B3GALNT2: variants seen among roughly 807,000 people sequenced by gnomAD.
B3GALNT2 encodes UDP-GalNAc:beta-1,3-N-acetylgalactosaminyltransferase 2.
B3GALNT2 carries 53 observed loss-of-function variants against 61.1 expected under a neutral mutation model. The ratio of observed to expected loss-of-function variants is 0.87; its 90% CI spans 0.70 to 1.09. The LOEUF (loss-of-function observed/expected upper bound fraction) is 1.09. B3GALNT2 is among the 50% of genes least tolerant of loss of function. B3GALNT2 has a pLI of 0.00. For synonymous variants in B3GALNT2, 223 were observed against 237.4 expected (o/e 0.94, Z 0.56); for missense variants, 544 against 623.0 (o/e 0.87, Z 1.35).
At chr1:235,462,832 T>C (rs1683494245) in intron 7 of B3GALNT2, among the ~76,000 whole-genome samples, 1 of 152,178 alleles carries the variant, frequency 6.6e-6, no homozygotes, top group Non-Finnish European at 1.5e-5. Flanking sequence ...TGGAAAACAG[T>C]GTGGAGATTC....
intron 4 of B3GALNT2, among the ~76,000 whole-genome samples, chr1:235,480,470 C>T (rs1684507060): frequency 6.6e-6 from 1 of 151,722 alleles, no homozygotes; most frequent in African/African-American, 2.4e-5. Context: ...TAAGCCAACA[C>T]ATTATAGTGT....
intron 3 of B3GALNT2, among the ~76,000 whole-genome samples, chr1:235,486,936 A>AG (rs773679981): frequency 3.4e-4 from 52 of 152,122 alleles, no homozygotes; most frequent in Non-Finnish European, 6.6e-4. Flanking sequence ...TGGGAGGCTG[A>AG]GGGGGGTGGA....
At chr1:235,452,179 AT>A (rs1487118055) in intron 11 of B3GALNT2, 1 of 151,868 alleles carries the variant, frequency 6.6e-6, no homozygotes, top group Non-Finnish European at 1.5e-5. Context: ...TGCCTGGCTA[AT>A]TTTTTTTGTA....
At chr1:235,491,198 T>A (rs185232933) in intron 2 of B3GALNT2, among the ~76,000 whole-genome samples, 96 of 152,300 alleles carry the variant, frequency 6.3e-4, no homozygotes, top group African/African-American at 2.1e-3. Context: ...ATCTTAGTTG[T>A]CACTTTAGTC....
intron 5 of B3GALNT2, among the ~76,000 whole-genome samples, chr1:235,472,560 T>G (rs1040191165): frequency 2.6e-5 from 4 of 152,214 alleles, no homozygotes; most frequent in African/African-American, 9.6e-5. Flanking sequence ...CTGCCTCTAC[T>G]AGAAGACAAA....
chr1:235,498,609 G>A lies in B3GALNT2; in HGVS notation c.113-3781C>T, dbSNP rs371608231. 5.3e-5 allele frequency among the ~76,000 whole-genome samples: 8 copies of A among 151,560 alleles called. No individual in the cohort carries two copies. In the East Asian group the frequency reaches 1.2e-3, roughly 22 times the overall value. ...ATCCCAGCTTCAATTTTGGGAGGCCGAGGAGGGCAGATCACAAGGTCAGAA... is the reference window on the plus strand; with the variant it reads ...ATCCCAGCTTCAATTTTGGGAGGCCAAGGAGGGCAGATCACAAGGTCAGAA... On this transcript the variant is annotated intron_variant, in intron 1 of 11. Transcript: ENST00000366600.
chr1:235,448,573 G>A lies in B3GALNT2; in HGVS notation c.*1633C>T. 2 of 1,373,506 alleles carry A rather than the reference G, an allele frequency of 1.5e-6. No individual in the cohort carries two copies. The allele number at this position is 1,373,506 out of a possible 1,614,324, so 85.1% of individuals were successfully genotyped here. A position where few individuals can be genotyped will look rare whatever the true frequency, so the allele number is the denominator to read the frequency against. ...TCTGTTTGTTTGATTTTAAGGGTAA[G>A]CTACTGCCTGGGGACGGGGTGGGGG... On this transcript the variant is annotated 3_prime_UTR_variant, in exon 12 of 12. Coordinates refer to ENST00000366600, the MANE Select transcript of B3GALNT2 (RefSeq NM_152490.5).
intron 1 of B3GALNT2, among the ~76,000 whole-genome samples, chr1:235,503,804 G>A (rs1558449512): frequency 6.6e-6 from 1 of 152,180 alleles, no homozygotes; most frequent in Non-Finnish European, 1.5e-5. Flanking sequence ...GGCGGCTGAA[G>A]GGCACACGAG....
At chr1:235,489,417 G>A (rs1306768142) in intron 2 of B3GALNT2, 149 bp from the exon 3 acceptor site, 1 of 1,312,286 alleles carries the variant, frequency 7.6e-7, no homozygotes, top group South Asian at 1.9e-5. Context: ...AGACAAAATG[G>A]GGGAACAAGT....
chr1:235,494,928 G>T, intron 1 of B3GALNT2, 100 bp from the exon 2 acceptor site: 1 of 1,168,810 alleles, frequency 8.6e-7, no homozygotes. Context: ...TATGTTTGTA[G>T]GAAATTCAGA....
chr1:235,442,303 T>C (rs747195414), downstream of B3GALNT2, among the ~76,000 whole-genome samples: 3 of 152,186 alleles, frequency 2.0e-5, no homozygotes, highest in Non-Finnish European at 2.9e-5. Context: ...CCCGAGTAGC[T>C]GGGATTACAG....
intron 5 of B3GALNT2, among the ~76,000 whole-genome samples, chr1:235,476,276 T>C (rs1684274708): frequency 6.6e-6 from 1 of 152,152 alleles, no homozygotes; most frequent in Non-Finnish European, 1.5e-5. Context: ...CCAGGCGTGA[T>C]GGCACACGCC....
chr1:235,443,374 G>T (rs1044485007), downstream of B3GALNT2, among the ~76,000 whole-genome samples: 12 of 152,118 alleles, frequency 7.9e-5, no homozygotes, highest in South Asian at 8.3e-4. Flanking sequence ...GCTAATTTTT[G>T]TATTTTTTGT....
chr1:235,450,131 C>T lies in B3GALNT2; in HGVS notation c.*75G>A. 1.9e-6 allele frequency: 3 copies of T among 1,560,574 alleles called. No homozygotes were observed. The highest frequency in any genetic ancestry group is 1.4e-5 in the African/African-American group (1 of 73,960). On this transcript the variant is annotated 3_prime_UTR_variant, in exon 12 of 12. Transcript: ENST00000366600. The stretch of plus-strand genomic sequence containing the variant: ...AGACCATACAGTCTACTGCTAAACC[C>T]TGGGACTCCTCAGACTTGCACTCAG...
downstream of B3GALNT2, among the ~76,000 whole-genome samples, chr1:235,445,235 T>C (rs938912263): frequency 3.9e-5 from 6 of 152,232 alleles, no homozygotes; most frequent in African/African-American, 1.4e-4. Flanking sequence ...GTTTCTCAAA[T>C]GTGCACTCAC....
Position 235,484,532 on chromosome 1 carries a change from G to C in B3GALNT2, c.362-17C>G. On this transcript the variant is annotated splice_polypyrimidine_tract_variant and intron_variant, in intron 3 of 11. Coordinates refer to ENST00000366600, the MANE Select transcript of B3GALNT2 (RefSeq NM_152490.5). ...GATTCAAAACTAAGTAATGAGAACA[G>C]GTTTATATAACTGAACAAATGTAAT... The C allele has an allele frequency of 6.2e-7, 1 of 1,611,898 alleles. No homozygotes were observed. Among genetic ancestry groups the C allele is most frequent in the South Asian group, 1.1e-5 (1 of 90,780 alleles).
At chr1:235,496,580 T>C (rs1265984896) in intron 1 of B3GALNT2, among the ~76,000 whole-genome samples, 2 of 150,578 alleles carry the variant, frequency 1.3e-5, no homozygotes, top group East Asian at 3.9e-4. Flanking sequence ...AGTCCCACTC[T>C]GTGGCCCAGT....
At chr1:235,459,828 CTG>C (rs1331282025) in intron 7 of B3GALNT2, among the ~76,000 whole-genome samples, 1 of 152,118 alleles carries the variant, frequency 6.6e-6, no homozygotes, top group East Asian at 1.9e-4. Context: ...GAGTCTCACT[CTG>C]TTGCCCAGGC....
chr1:235,442,881 G>C (rs746647958), downstream of B3GALNT2: 3 of 1,613,876 alleles, frequency 1.9e-6, no homozygotes, highest in African/African-American at 1.3e-5. Context: ...TCATCAACTT[G>C]ATCAGAAAGT....
Sources: allele counts gnomAD v4.1 joint callset (sites outside exome capture counted in the v4.1 genomes callset), GRCh38; gene constraint gnomAD v4.1.1; transcripts MANE v1.5; gene names NCBI Gene and HGNC (gene_info 2026-07-23, HGNC 2026-07-21).